Variants in KCNAB2 observed in about 807,000 individuals in gnomAD.
The protein encoded by KCNAB2 is voltage-gated potassium channel subunit beta-2.
Under a neutral mutation model 63.6 loss-of-function variants are expected in KCNAB2, and 29 were observed. The ratio of observed to expected loss-of-function variants is 0.46; its 90% CI spans 0.34 to 0.62. KCNAB2 has a LOEUF of 0.62. Ranked by LOEUF, KCNAB2 falls within the 20% of genes least tolerant of loss-of-function variation. The probability of loss-of-function intolerance (pLI) is 0.01; values close to 1 mark genes in which losing one functional copy is unlikely to be tolerated. For synonymous variants in KCNAB2, 222 were observed against 224.2 expected (o/e 0.99, Z 0.09); for missense variants, 359 against 563.9 (o/e 0.64, Z 3.68).
At chr1:5,998,727 T>C (rs540495126) in intron 1 of KCNAB2, among the ~76,000 whole-genome samples, 32 of 152,206 alleles carry the variant, frequency 2.1e-4, no homozygotes, top group Admixed American at 6.5e-4. Flanking sequence ...AGAGCTGGGC[T>C]CCCAGGAGCA....
At chr1:6,049,673 G>A (rs1159862233) in intron 1 of KCNAB2, among the ~76,000 whole-genome samples, 3 of 152,190 alleles carry the variant, frequency 2.0e-5, no homozygotes, top group African/African-American at 7.2e-5. Context: ...TCCCTGTAGG[G>A]GCTCCTCGGG....
intron 2 of KCNAB2, among the ~76,000 whole-genome samples, chr1:6,061,489 C>G (rs1286234615): frequency 6.6e-6 from 1 of 152,248 alleles, no homozygotes; most frequent in Non-Finnish European, 1.5e-5. Context: ...TGGCTGGTAA[C>G]AGAGCAGGCC....
rs138666917 is a variant in KCNAB2 at position 6,005,831 on chromosome 1, G to A, written c.-53+13043G>A. Among the ~76,000 whole-genome samples, 112 of 151,920 alleles carry A rather than the reference G, an allele frequency of 7.4e-4. 1 individual carries two copies. In the East Asian group the frequency reaches 0.016, roughly 22 times the overall value. On this transcript the variant is annotated intron_variant, in intron 1 of 16. Transcript: ENST00000341524. The stretch of plus-strand genomic sequence containing the variant: ...CCCTGGCAGGGACCACGGGTGCTGT[G>A]ACTGGAGGGAGGTCCCAGGGCTGGC...
At position 6,095,606 on chromosome 1, in the gene KCNAB2, C is replaced by T; in HGVS notation, c.930C>T (p.Tyr310=). 2 of 1,613,378 alleles carry T rather than the reference C, an allele frequency of 1.2e-6. No individual in the cohort carries two copies. Among genetic ancestry groups the T allele is most frequent in the Non-Finnish European group, 1.7e-6 (2 of 1,179,982 alleles). Residue 310 remains tyrosine, a synonymous_variant, in exon 13 of 16, where the codon TAC becomes TAT. Coordinates refer to ENST00000378083, the MANE Select transcript of KCNAB2 (RefSeq NM_001199862.2). ...SGKYDSGIPP[Y]SRASLKGYQW... ...AGTACGACAGTGGCATCCCACCCTA[C>T]TCAAGAGCCTCCTTGAAGGTGAAGG...
Position 6,098,478 on chromosome 1 carries a change from C to A in KCNAB2, c.1159-7C>A. On this transcript the variant is annotated splice_region_variant and splice_polypyrimidine_tract_variant and intron_variant, in intron 15 of 15. Coordinates refer to ENST00000378083, the MANE Select transcript of KCNAB2 (RefSeq NM_001199862.2). ...GGATTCTGATTTGTTGTTGTTCTTGCACGCAGGTCCTTCCGAAACTGTCAT... is the reference window on the plus strand; with the variant it reads ...GGATTCTGATTTGTTGTTGTTCTTGAACGCAGGTCCTTCCGAAACTGTCAT... The A allele has an allele frequency of 6.2e-7, 1 of 1,613,824 alleles. No homozygotes were observed.
intron 8 of KCNAB2, 110 bp from the exon 9 acceptor site, chr1:6,090,279 C>T: frequency 1.4e-6 from 1 of 707,778 alleles, no homozygotes. Flanking sequence ...CTTCCAGATG[C>T]CAGAGGCCTC....
At chr1:6,029,631 C>G (rs1353781499), upstream of KCNAB2, among the ~76,000 whole-genome samples, 3 of 152,214 alleles carry the variant, frequency 2.0e-5, no homozygotes, top group Admixed American at 2.0e-4. Flanking sequence ...GCTGCACACC[C>G]CTACCTGTTA....
At chr1:6,097,612 G>A (rs1665758235) in intron 15 of KCNAB2, 3 of 651,566 alleles carry the variant, frequency 4.6e-6, no homozygotes, top group Non-Finnish European at 7.9e-6. Context: ...GAGATAAAGG[G>A]AGGGAGCTGG....
At chr1:6,039,101 A>G (rs963222788) in intron 1 of KCNAB2, among the ~76,000 whole-genome samples, 8 of 152,108 alleles carry the variant, frequency 5.3e-5, no homozygotes, top group African/African-American at 1.9e-4. Flanking sequence ...TCGGCCGGGG[A>G]GCAGCAGGGA....
At chr1:6,092,529 C>T (rs1665275096) in intron 10 of KCNAB2, among the ~76,000 whole-genome samples, 1 of 152,224 alleles carries the variant, frequency 6.6e-6, no homozygotes, top group Non-Finnish European at 1.5e-5. Flanking sequence ...TGGACCTAAG[C>T]CTTGGCTGAG....
chr1:6,085,461 C>T lies in KCNAB2; in HGVS notation c.425+213C>T, dbSNP rs537411186. Among the ~76,000 whole-genome samples the T allele has an allele frequency of 3.3e-5, 5 of 152,226 alleles. No homozygotes were observed. In the East Asian group the frequency reaches 7.7e-4, roughly 24 times the overall value. ...AAGGGAGGCCGAATACACTGTCCACCCCCACCCTAGCCTGCCCACTCCGCC... is the reference window on the plus strand; with the variant it reads ...AAGGGAGGCCGAATACACTGTCCACTCCCACCCTAGCCTGCCCACTCCGCC... On this transcript the variant is annotated intron_variant, in intron 6 of 15. Coordinates refer to ENST00000378083, the MANE Select transcript of KCNAB2 (RefSeq NM_001199862.2).
Position 6,087,141 on chromosome 1 carries a change from C to T in KCNAB2, c.426-326C>T, listed in dbSNP as rs1220825604. Among the ~76,000 whole-genome samples the T allele has an allele frequency of 6.6e-6, 1 of 152,086 alleles. No individual in the cohort carries two copies. The highest frequency in any genetic ancestry group is 1.9e-4 in the East Asian group (1 of 5,166). ...ATCAAATCCATGCACCCCTCATAGTCCCTGAGCCAGGCCCCCCTCCCACAT... is the reference window on the plus strand; with the variant it reads ...ATCAAATCCATGCACCCCTCATAGTTCCTGAGCCAGGCCCCCCTCCCACAT... On this transcript the variant is annotated intron_variant, in intron 6 of 15. Transcript: ENST00000378083. The surrounding 1 kb of genome is among the most constrained non-coding windows in gnomAD (Gnocchi z 6.4).
chr1:6,090,480 G>A lies in KCNAB2; in HGVS notation c.601+5G>A, dbSNP rs779403716. ...ACCCCAACACCCCGATGGAAGGTAGGTGGTCTGCGGCGGCGCCACCGGTTA... is the reference window on the plus strand; with the variant it reads ...ACCCCAACACCCCGATGGAAGGTAGATGGTCTGCGGCGGCGCCACCGGTTA... On this transcript the variant is annotated splice_donor_5th_base_variant and intron_variant, in intron 9 of 15. Coordinates refer to ENST00000378083, the MANE Select transcript of KCNAB2 (RefSeq NM_001199862.2). The A allele has an allele frequency of 4.6e-5, 74 of 1,611,682 alleles. No individual in the cohort carries two copies. In the Admixed American group the frequency reaches 1.2e-3, roughly 27 times the overall value.
chr1:6,025,547 C>G (rs1162806863), intron 1 of KCNAB2, among the ~76,000 whole-genome samples: 1 of 152,202 alleles, frequency 6.6e-6, no homozygotes, highest in African/African-American at 2.4e-5. Context: ...AGAAAAACCC[C>G]GCAGAGGGTG....
chr1:6,071,069 C>A lies in KCNAB2; in HGVS notation c.219-1686C>A, dbSNP rs953972841. ...TTCAAGCTGCTTACAAATATTATAT[C>A]CACTCATGAGTTAGGAGTCCAGGAG... On this transcript the variant is annotated intron_variant, in intron 2 of 15. Coordinates refer to ENST00000378083, the MANE Select transcript of KCNAB2 (RefSeq NM_001199862.2). The surrounding 1 kb of genome is among the most constrained non-coding windows in gnomAD (Gnocchi z 8.5). Among the ~76,000 whole-genome samples the A allele has an allele frequency of 1.3e-5, 2 of 152,164 alleles. No homozygotes were observed. Among genetic ancestry groups the A allele is most frequent in the African/African-American group, 4.8e-5 (2 of 41,430 alleles).
intron 1 of KCNAB2, among the ~76,000 whole-genome samples, chr1:6,019,431 C>T (rs1283037080): frequency 6.6e-6 from 1 of 152,240 alleles, no homozygotes; most frequent in Non-Finnish European, 1.5e-5. Flanking sequence ...ACACTGCACT[C>T]TCTGCTGGCC....
intron 9 of KCNAB2, 89 bp from the exon 10 acceptor site, chr1:6,091,174 T>C: frequency 1.1e-6 from 1 of 913,268 alleles, no homozygotes; most frequent in Non-Finnish European, 1.7e-6. Context: ...CGGTGATTTG[T>C]GCCTCCCCGC....
intron 1 of KCNAB2, among the ~76,000 whole-genome samples, chr1:6,049,672 G>T (rs1422739818): frequency 6.6e-6 from 1 of 152,202 alleles, no homozygotes; most frequent in Non-Finnish European, 1.5e-5. Flanking sequence ...CTCCCTGTAG[G>T]GGCTCCTCGG....
At chr1:6,050,048 C>T (rs571364592) in intron 1 of KCNAB2, among the ~76,000 whole-genome samples, 1 of 152,334 alleles carries the variant, frequency 6.6e-6, no homozygotes, top group Admixed American at 6.5e-5. Context: ...GAGCTCACCC[C>T]AGGAAAGGCC....
Sources: allele counts gnomAD v4.1 joint callset (sites outside exome capture counted in the v4.1 genomes callset), GRCh38; gene constraint gnomAD v4.1.1; non-coding constraint Gnocchi (gnomAD v3.1); transcripts MANE v1.5; gene names NCBI Gene and HGNC (gene_info 2026-07-23, HGNC 2026-07-21).